Variants in UNC13C observed in about 807,000 individuals in gnomAD.
UNC13C encodes the protein unc-13 homolog C, also known as protein unc-13 homolog C.
UNC13C carries 174 observed loss-of-function variants against 245.4 expected under a neutral mutation model. The observed-to-expected ratio is 0.71, with a 90% CI of 0.63 to 0.80. The LOEUF (loss-of-function observed/expected upper bound fraction) is 0.80, where lower values mean the gene tolerates loss of function less well. Among genes scored for constraint, UNC13C ranks in the 30% least tolerant of loss-of-function variants. The probability of loss-of-function intolerance (pLI) is 0.00; values close to 1 mark genes in which losing one functional copy is unlikely to be tolerated. For missense variants in UNC13C, 2,829 were observed against 2,602.9 expected (o/e 1.09, Z -1.89); for synonymous variants, 992 against 895.1 (o/e 1.11, Z -1.93).
At chr15:54,345,943 T>TA (rs1420234564) in intron 17 of UNC13C, among the ~76,000 whole-genome samples, 1 of 152,148 alleles carries the variant, frequency 6.6e-6, no homozygotes, top group Non-Finnish European at 1.5e-5. Context: ...GGGCATCCCT[T>TA]CTCCAAACTT....
the UNC13C span, among the ~76,000 whole-genome samples, chr15:53,877,316 C>G: frequency 6.6e-6 from 1 of 152,132 alleles, no homozygotes; most frequent in South Asian, 2.1e-4. Context: ...GCCTTCTGCC[C>G]CATCCAGCCC....
chr15:54,378,442 T>C (rs1467190406), intron 17 of UNC13C, among the ~76,000 whole-genome samples: 7 of 152,098 alleles, frequency 4.6e-5, no homozygotes, highest in Non-Finnish European at 1.5e-5. Flanking sequence ...TGGTAGTGTT[T>C]TATATTCAAG....
intron 4 of UNC13C, among the ~76,000 whole-genome samples, chr15:54,232,874 C>T (rs1321307541): frequency 1.3e-5 from 2 of 152,044 alleles, no homozygotes; most frequent in Non-Finnish European, 2.9e-5. Flanking sequence ...AAGAATCCTT[C>T]TAGATACCCA....
chr15:53,922,217 A>T, the UNC13C span, among the ~76,000 whole-genome samples: 1 of 152,340 alleles, frequency 6.6e-6, no homozygotes, highest in East Asian at 1.9e-4. Context: ...ACTGTTGGAA[A>T]GTCAAATAAA....
intron 13 of UNC13C, among the ~76,000 whole-genome samples, chr15:54,305,637 C>T (rs1259831839): frequency 6.6e-6 from 1 of 151,906 alleles, no homozygotes; most frequent in Non-Finnish European, 1.5e-5. Context: ...GAAAGCCAAC[C>T]AACCAACCAA....
intron 24 of UNC13C, among the ~76,000 whole-genome samples, chr15:54,514,586 G>A (rs1369351298): frequency 1.3e-5 from 2 of 152,170 alleles, no homozygotes; most frequent in East Asian, 1.9e-4. Flanking sequence ...CAACAGCATT[G>A]CTTTCCTCTA....
At chr15:54,585,605 G>T (rs1185533106) in intron 30 of UNC13C, among the ~76,000 whole-genome samples, 1 of 152,070 alleles carries the variant, frequency 6.6e-6, no homozygotes, top group East Asian at 1.9e-4. Context: ...ACTGGGACTG[G>T]GAAGTGTTAG....
the UNC13C span, among the ~76,000 whole-genome samples, chr15:53,850,262 A>C: frequency 6.6e-6 from 1 of 152,020 alleles, no homozygotes; most frequent in Non-Finnish European, 1.5e-5. Context: ...AAAAATAAAA[A>C]AATTTAGGCA....
At chr15:53,969,840 A>G in the UNC13C span, among the ~76,000 whole-genome samples, 1 of 152,054 alleles carries the variant, frequency 6.6e-6, no homozygotes, top group Non-Finnish European at 1.5e-5. Flanking sequence ...TAAAACTGAA[A>G]TTCTATACCC....
upstream of UNC13C, among the ~76,000 whole-genome samples, chr15:53,973,408 T>A (rs114238369): frequency 2.2e-3 from 335 of 152,100 alleles, 2 homozygotes; most frequent in African/African-American, 7.7e-3. Flanking sequence ...TAAATAGAAA[T>A]TACATTTATA....
chr15:54,373,684 G>A (rs2039543570), intron 17 of UNC13C, among the ~76,000 whole-genome samples: 1 of 152,196 alleles, frequency 6.6e-6, no homozygotes, highest in South Asian at 2.1e-4. Flanking sequence ...TCTAGTCTGG[G>A]TTCCCCGAAG....
At chr15:54,164,120 C>T (rs2033076192) in intron 4 of UNC13C, among the ~76,000 whole-genome samples, 3 of 151,934 alleles carry the variant, frequency 2.0e-5, no homozygotes, top group Admixed American at 2.0e-4. Context: ...ATTAAAACAG[C>T]TTGTTGTATA....
intron 2 of UNC13C, among the ~76,000 whole-genome samples, chr15:54,083,570 G>A (rs919674717): frequency 5.9e-5 from 9 of 152,170 alleles, no homozygotes; most frequent in African/African-American, 2.2e-4. Flanking sequence ...AGATGGGGTG[G>A]GGGTCGGGAA....
chr15:54,237,728 A>G (rs1349062151), intron 7 of UNC13C, 38 bp downstream of exon 7: 1 of 1,475,368 alleles, frequency 6.8e-7, no homozygotes, highest in East Asian at 2.3e-5. Context: ...CTAACTAGAT[A>G]TTGCTCATAA....
intron 30 of UNC13C, among the ~76,000 whole-genome samples, chr15:54,616,324 T>C (rs909233004): frequency 3.3e-5 from 5 of 152,054 alleles, no homozygotes; most frequent in Admixed American, 2.6e-4. Context: ...CATATACCAA[T>C]GTTACAGTCA....
the UNC13C span, among the ~76,000 whole-genome samples, chr15:53,918,351 C>T: frequency 6.7e-6 from 1 of 149,618 alleles, no homozygotes; most frequent in Non-Finnish European, 1.5e-5. Flanking sequence ...TTATTTCCTA[C>T]TCAGATTTTT....
intron 26 of UNC13C, among the ~76,000 whole-genome samples, chr15:54,546,261 T>A (rs1014637500): frequency 6.6e-6 from 1 of 151,696 alleles, no homozygotes; most frequent in South Asian, 2.1e-4. Context: ...TAAGTGGGAG[T>A]TGAACAATGA....
chr15:53,870,255 A>AT, the UNC13C span, among the ~76,000 whole-genome samples: 2 of 152,082 alleles, frequency 1.3e-5, no homozygotes, highest in African/African-American at 2.4e-5. Context: ...ACAGAAATGA[A>AT]TTTTTTCTAT....
upstream of UNC13C, among the ~76,000 whole-genome samples, chr15:53,976,275 C>T (rs1332779761): frequency 1.3e-5 from 2 of 152,124 alleles, no homozygotes; most frequent in African/African-American, 2.4e-5. Flanking sequence ...GAGCTTAGCA[C>T]TGCATTCATT....
Sources: allele counts gnomAD v4.1 joint callset (sites outside exome capture counted in the v4.1 genomes callset), GRCh38; gene constraint gnomAD v4.1.1; transcripts MANE v1.5; gene names NCBI Gene and HGNC (gene_info 2026-07-23, HGNC 2026-07-21).